CLTC: variants seen among roughly 807,000 people sequenced by gnomAD.
CLTC encodes the protein clathrin heavy chain 1.
Under a neutral mutation model 195.8 loss-of-function variants are expected in CLTC, and 16 were observed. The ratio of observed to expected loss-of-function variants is 0.08; its 90% CI spans 0.06 to 0.12. The LOEUF (loss-of-function observed/expected upper bound fraction) is 0.12, where lower values mean the gene tolerates loss of function less well. CLTC is among the 10% of genes least tolerant of loss of function. The pLI, the probability that CLTC is intolerant of heterozygous loss-of-function variation, is 1.00. For missense variants in CLTC, 796 were observed against 2,027.0 expected (o/e 0.39, Z 11.66); for synonymous variants, 667 against 689.4 (o/e 0.97, Z 0.51).
At chr17:59,631,724 A>C (rs767186818) in intron 1 of CLTC, among the ~76,000 whole-genome samples, 1 of 152,192 alleles carries the variant, frequency 6.6e-6, no homozygotes, top group Non-Finnish European at 1.5e-5. Flanking sequence ...TAACCCCATC[A>C]CTTTGGGAGG....
chr17:59,632,925 G>A (rs899508822), intron 1 of CLTC, among the ~76,000 whole-genome samples: 1 of 152,136 alleles, frequency 6.6e-6, no homozygotes, highest in Admixed American at 6.5e-5. Context: ...AATAAGCAAA[G>A]GGGACAGTTT....
Position 59,693,831 on chromosome 17 carries a change from T to A in CLTC, c.5007T>A (p.Pro1669=). The change falls in exon 32 of 32, where the codon CCT becomes CCA. Residue 1669 remains proline, a synonymous_variant. Coordinates refer to ENST00000269122, the MANE Select transcript of CLTC (RefSeq NM_004859.4). ...CACCACCGTATGGACAGCCACAGCCTGGCTTTGGGTACAGCATGTGAGATG... is the reference window on the plus strand; with the variant it reads ...CACCACCGTATGGACAGCCACAGCCAGGCTTTGGGTACAGCATGTGAGATG... ...YTAPPYGQPQ[P]GFGYSM is the part of the protein sequence containing the mutation. 6.2e-7 allele frequency: 1 copy of A among 1,612,354 alleles called. No homozygotes were observed. The highest frequency in any genetic ancestry group is 8.5e-7 in the Non-Finnish European group (1 of 1,179,168).
rs750980840 is a variant in CLTC, at chr17:59,648,448, C to T, written c.681+47C>T. On this transcript the variant is annotated intron_variant, in intron 4 of 31. Transcript: ENST00000269122. The surrounding 1 kb of genome is among the most constrained non-coding windows in gnomAD (Gnocchi z 4.5). ...TATTTTAATGAGAACTTGTATTTGGCTTTCTGCTATGAATTAGTCATCTAA... is the reference window on the plus strand; with the variant it reads ...TATTTTAATGAGAACTTGTATTTGGTTTTCTGCTATGAATTAGTCATCTAA... The T allele has an allele frequency of 2.6e-6, 4 of 1,533,438 alleles. No homozygotes were observed. The South Asian group carries it at 4.8e-5, about 19-fold the overall frequency. The allele number at this position is 1,533,438 out of a possible 1,614,324, so 95.0% of individuals were successfully genotyped here. A position where few individuals can be genotyped will look rare whatever the true frequency, so the allele number is the denominator to read the frequency against.
chr17:59,622,476 C>A (rs112453535), intron 1 of CLTC, among the ~76,000 whole-genome samples: 8,206 of 152,208 alleles, frequency 0.054, 736 homozygotes, highest in African/African-American at 0.19. Flanking sequence ...CTACTGGGCT[C>A]AAGCCATCCT....
At chr17:59,643,279 T>C (rs762037456) in intron 1 of CLTC, among the ~76,000 whole-genome samples, 4 of 152,160 alleles carry the variant, frequency 2.6e-5, no homozygotes, top group Non-Finnish European at 5.9e-5. Flanking sequence ...TAGTAGGACT[T>C]AATCTGTTAC....
chr17:59,656,655 T>G lies in CLTC; in HGVS notation c.969+628T>G, dbSNP rs939733321. Among the ~76,000 whole-genome samples the G allele has an allele frequency of 2.0e-5, 3 of 146,546 alleles. No individual in the cohort carries two copies. In the East Asian group the frequency reaches 6.1e-4, roughly 30 times the overall value. On this transcript the variant is annotated intron_variant, in intron 6 of 31. Coordinates refer to ENST00000269122, the MANE Select transcript of CLTC (RefSeq NM_004859.4). ...AGCAAGTGATTCTTTATCTGTCATC[T>G]TATTATTTTAATTTTTTTTTTTTTT...
chr17:59,689,370 G>A (rs1458068543), intron 30 of CLTC: 1 of 152,042 alleles, frequency 6.6e-6, no homozygotes, highest in Non-Finnish European at 1.5e-5. Context: ...ATGAGGTGCT[G>A]CCTTAATCTT....
rs899488526 is a variant in CLTC at position 59,685,127 on chromosome 17, T to C, written c.4506T>C (p.His1502=). The C allele has an allele frequency of 6.2e-7, 1 of 1,611,970 alleles. No homozygotes were observed. Among genetic ancestry groups the C allele is most frequent in the Non-Finnish European group, 8.5e-7 (1 of 1,178,434 alleles). ...NISLAQRLEK[H]ELIEFRRIAA... is the part of the protein sequence containing the mutation. Reference sequence around the variant, plus strand: ...CGCTTGCTCAGCGTTTGGAAAAACATGAACTCATTGAGTTCAGGAGAATTG... The same window carrying C: ...CGCTTGCTCAGCGTTTGGAAAAACACGAACTCATTGAGTTCAGGAGAATTG... The change falls in exon 29 of 32, where the codon CAT becomes CAC. Residue 1502 remains histidine, a synonymous_variant. Coordinates refer to ENST00000269122, the MANE Select transcript of CLTC (RefSeq NM_004859.4). This position sits in a 1 kb window ranked among gnomAD's most constrained non-coding sequence, Gnocchi z 5.0.
intron 1 of CLTC, among the ~76,000 whole-genome samples, chr17:59,622,290 C>T (rs1346646391): frequency 1.3e-5 from 2 of 152,222 alleles, no homozygotes; most frequent in Non-Finnish European, 2.9e-5. Context: ...TGACTGTGCT[C>T]CAGTTGATTA....
chr17:59,683,488 T>C lies in CLTC; in HGVS notation c.4143T>C (p.His1381=), dbSNP rs2033118579. The C allele has an allele frequency of 3.1e-6, 5 of 1,614,042 alleles. No individual in the cohort carries two copies. Among genetic ancestry groups the C allele is most frequent in the Non-Finnish European group, 4.2e-6 (5 of 1,179,970 alleles). The stretch of plus-strand genomic sequence containing the variant: ...ATGCCATAATTACCATGATGAATCA[T>C]CCAACTGATGCCTGGAAAGAAGGGC... ...YDNAIITMMN[H]PTDAWKEGQF... Residue 1381 remains histidine, a synonymous_variant, in exon 26 of 32, where the codon CAT becomes CAC. Coordinates refer to ENST00000269122, the MANE Select transcript of CLTC (RefSeq NM_004859.4). The surrounding 1 kb of genome is among the most constrained non-coding windows in gnomAD (Gnocchi z 6.1).
At chr17:59,677,256 G>C in intron 17 of CLTC, 68 bp downstream of exon 17, 2 of 1,154,930 alleles carry the variant, frequency 1.7e-6, no homozygotes, top group African/African-American at 1.5e-5. Context: ...AGAGTTTCAG[G>C]GTAATTTTAG....
At chr17:59,649,888 G>GC (rs35947968) in intron 4 of CLTC, among the ~76,000 whole-genome samples, 130,995 of 152,196 alleles carry the variant, frequency 0.86, 56,488 homozygotes, top group South Asian at 0.94. Context: ...AAAACATAAG[G>GC]CAGGACATTT....
intron 17 of CLTC, among the ~76,000 whole-genome samples, chr17:59,678,506 T>C (rs2033014026): frequency 6.6e-6 from 1 of 152,242 alleles, no homozygotes; most frequent in African/African-American, 2.4e-5. Context: ...TGGGCTACAA[T>C]TCACTACTAT....
intron 14 of CLTC, among the ~76,000 whole-genome samples, chr17:59,671,538 T>C (rs1014072497): frequency 1.3e-5 from 2 of 152,208 alleles, no homozygotes; most frequent in African/African-American, 4.8e-5. Context: ...TAAGGTACCC[T>C]GTGAGCAGGA....
Position 59,648,483 on chromosome 17 carries a change from A to G in CLTC, c.681+82A>G. 7 of 1,274,404 alleles carry G rather than the reference A, an allele frequency of 5.5e-6. No individual in the cohort carries two copies. The highest frequency in any genetic ancestry group is 7.6e-6 in the Non-Finnish European group (7 of 918,342). The allele number at this position is 1,274,404 out of a possible 1,614,324, so 78.9% of individuals were successfully genotyped here. ...TGAATTAGTCATCTAATTTCAAAAT[A>G]GCCTTCTCCCTTCCTAAGTAATTTT... On this transcript the variant is annotated intron_variant, in intron 4 of 31. Transcript: ENST00000269122. This position sits in a 1 kb window ranked among gnomAD's most constrained non-coding sequence, Gnocchi z 4.5.
Position 59,628,867 on chromosome 17 carries a change from G to C in CLTC, c.42+8694G>C, listed in dbSNP as rs921867827. ...AGTAGAGATGGGGTTTCACCATGTT[G>C]GCCAGGCTGGTCTCAAACTCCTGAC... On this transcript the variant is annotated intron_variant, in intron 1 of 31. Transcript: ENST00000269122. 2.6e-5 allele frequency among the ~76,000 whole-genome samples: 4 copies of C among 152,052 alleles called. 1 individual carries two copies. The South Asian group carries it at 8.3e-4, about 32-fold the overall frequency.
chr17:59,677,334 G>C, intron 17 of CLTC, 146 bp downstream of exon 17: 1 of 636,190 alleles, frequency 1.6e-6, no homozygotes, highest in Non-Finnish European at 2.7e-6. Context: ...TTGTGAATCT[G>C]AAAGTGGCCA....
At position 59,666,341 on chromosome 17, in the gene CLTC, T is replaced by G; in HGVS notation, c.1782+101T>G. 1 of 1,493,154 alleles carries G rather than the reference T, an allele frequency of 6.7e-7. No homozygotes were observed. The highest frequency in any genetic ancestry group is 1.4e-5 in the African/African-American group (1 of 71,324). 92.5% of individuals were successfully genotyped at this position (1,493,154 alleles called of 1,614,324 possible). On this transcript the variant is annotated intron_variant, in intron 11 of 31. Transcript: ENST00000269122. This position sits in a 1 kb window ranked among gnomAD's most constrained non-coding sequence, Gnocchi z 4.9. ...GCAAAGCTACTGAGGGGCCTACTCC[T>G]TATTAAAGAAAATGTAGCTATTATA... is the stretch of plus-strand genomic sequence containing the variant.
chr17:59,638,645 A>T (rs187839183), intron 1 of CLTC, among the ~76,000 whole-genome samples: 312 of 152,162 alleles, frequency 2.1e-3, no homozygotes, highest in Admixed American at 3.6e-3. Flanking sequence ...GGAGTGAGCA[A>T]CCTAGATCCC....
Sources: gnomAD v4.1 joint callset for allele counts (sites outside exome capture counted in the v4.1 genomes callset) on GRCh38, gnomAD v4.1.1 for gene constraint, Gnocchi (gnomAD v3.1) non-coding constraint, MANE v1.5 for transcripts, NCBI Gene and HGNC (gene_info 2026-07-23, HGNC 2026-07-21) for gene names.